Variants in AKT3 observed in about 807,000 individuals in gnomAD.
AKT3 encodes the protein AKT serine/threonine kinase 3.
A neutral mutation model predicts 65.3 loss-of-function variants in AKT3; 15 were observed. That is an observed-to-expected ratio of 0.23 (90% CI 0.15 to 0.35). The LOEUF (loss-of-function observed/expected upper bound fraction) is 0.35, where lower values mean the gene tolerates loss of function less well. AKT3 is among the 10% of genes least tolerant of loss of function. AKT3 has a pLI of 1.00. For missense variants in AKT3, 243 were observed against 576.5 expected, an observed-to-expected ratio of 0.42 and a Z score of 5.92; for synonymous variants, 206 against 183.8, an observed-to-expected ratio of 1.12 and a Z score of -0.98.
intron 2 of AKT3, among the ~76,000 whole-genome samples, chr1:243,727,484 T>C (rs920626377): frequency 6.6e-6 from 1 of 152,114 alleles, no homozygotes; most frequent in Middle Eastern, 3.2e-3. Flanking sequence ...TCTTGCTATG[T>C]TGCCCAGGAA....
At chr1:243,831,075 A>C (rs1694479316) in intron 2 of AKT3, among the ~76,000 whole-genome samples, 1 of 152,190 alleles carries the variant, frequency 6.6e-6, no homozygotes, top group Admixed American at 6.5e-5. Flanking sequence ...CAGCTGTCCC[A>C]GTTCTAGTTC....
intron 7 of AKT3, 75 bp downstream of exon 7, chr1:243,615,021 A>G: frequency 9.1e-7 from 1 of 1,100,296 alleles, no homozygotes; most frequent in Non-Finnish European, 1.3e-6. Flanking sequence ...AGTATTTTTC[A>G]CAATTTAATT....
At chr1:243,507,630 T>C (rs2148350815) in intron 13 of AKT3, among the ~76,000 whole-genome samples, 1 of 152,304 alleles carries the variant, frequency 6.6e-6, no homozygotes, top group Admixed American at 6.5e-5. Context: ...GCATAGGGAA[T>C]AGTGATGATA....
intron 5 of AKT3, among the ~76,000 whole-genome samples, chr1:243,642,340 C>G (rs557193793): frequency 5.9e-5 from 9 of 152,158 alleles, no homozygotes; most frequent in East Asian, 1.9e-4. Context: ...GACGGAGTCT[C>G]GCTCTGTCGC....
intron 12 of AKT3, among the ~76,000 whole-genome samples, chr1:243,515,963 CAA>C (rs1270293316): frequency 6.9e-6 from 1 of 145,018 alleles, no homozygotes; most frequent in Non-Finnish European, 1.5e-5. Context: ...GGCGACGGAG[CAA>C]GACTCCATCT....
chr1:243,709,812 T>G (rs1326976126), intron 2 of AKT3, among the ~76,000 whole-genome samples: 2 of 152,088 alleles, frequency 1.3e-5, no homozygotes, highest in Non-Finnish European at 2.9e-5. Context: ...GCGTTCTTCC[T>G]TAGAAGTATA....
At chr1:243,739,321 A>G (rs560386561) in intron 2 of AKT3, among the ~76,000 whole-genome samples, 27 of 152,300 alleles carry the variant, frequency 1.8e-4, no homozygotes, top group African/African-American at 6.0e-4. Context: ...CTTGTTTTTT[A>G]TATCTTGAAC....
intron 2 of AKT3, among the ~76,000 whole-genome samples, chr1:243,757,472 G>A (rs921429751): frequency 3.3e-5 from 5 of 152,034 alleles, no homozygotes; most frequent in African/African-American, 1.2e-4. Context: ...ACAAAAATTA[G>A]CTGGGCGTGG....
At chr1:243,667,331 G>A (rs528284947) in intron 3 of AKT3, among the ~76,000 whole-genome samples, 7 of 152,204 alleles carry the variant, frequency 4.6e-5, no homozygotes, top group South Asian at 2.1e-4. Context: ...GAACATGTCC[G>A]AACGTGAACT....
In AKT3 at chr1:243,613,747, TA is replaced by T. The variant is rs745855289; in HGVS notation, c.628-9del. 3.4e-5 allele frequency: 53 copies of T among 1,561,126 alleles called. No homozygotes were observed. Among genetic ancestry groups the T allele is most frequent in the Admixed American group, 1.3e-4 (7 of 54,294 alleles). On this transcript the variant is annotated splice_polypyrimidine_tract_variant and intron_variant, in intron 7 of 13. Transcript: ENST00000673466. ...GAAGGAATATTTCAAGGACTTGAAA[TA>T]AAAAAAAGAAAAAATGTTACATTAT...
At chr1:243,841,983 A>G (rs970152908) in intron 2 of AKT3, among the ~76,000 whole-genome samples, 1 of 152,192 alleles carries the variant, frequency 6.6e-6, no homozygotes, top group Admixed American at 6.5e-5. Context: ...AACAGCAGAT[A>G]AAGTGGTTGC....
chr1:243,498,085 C>T (rs1354808415), downstream of AKT3, among the ~76,000 whole-genome samples: 2 of 152,204 alleles, frequency 1.3e-5, no homozygotes, highest in African/African-American at 4.8e-5. Flanking sequence ...AGAGCGAGGC[C>T]ACCAGGCCAC....
At chr1:243,820,513 G>A (rs946735022) in intron 2 of AKT3, among the ~76,000 whole-genome samples, 2 of 152,160 alleles carry the variant, frequency 1.3e-5, no homozygotes, top group Non-Finnish European at 2.9e-5. Context: ...CAGAGCTGAA[G>A]GAGCATGTTC....
chr1:243,743,151 AG>A (rs1688265315), intron 2 of AKT3, among the ~76,000 whole-genome samples: 1 of 152,254 alleles, frequency 6.6e-6, no homozygotes. Flanking sequence ...TCTCAAAAAC[AG>A]CTCTAAAATA....
intron 12 of AKT3, among the ~76,000 whole-genome samples, chr1:243,531,060 G>A (rs1574549170): frequency 6.6e-6 from 1 of 152,066 alleles, no homozygotes; most frequent in East Asian, 1.9e-4. Context: ...ACTCATTGAT[G>A]TTCAACCATT....
chr1:243,705,902 A>G (rs1352178413), intron 2 of AKT3, among the ~76,000 whole-genome samples: 1 of 152,162 alleles, frequency 6.6e-6, no homozygotes, highest in Admixed American at 6.5e-5. Flanking sequence ...AGTTCCACAC[A>G]CCGGATTTAA....
At chr1:243,689,425 G>A (rs1438182563) in intron 3 of AKT3, among the ~76,000 whole-genome samples, 1 of 150,620 alleles carries the variant, frequency 6.6e-6, no homozygotes, top group East Asian at 1.9e-4. Flanking sequence ...AGTATTAATA[G>A]GAATCAACTG....
chr1:243,512,461 A>T (rs767166631), intron 12 of AKT3, 35 bp from the exon 13 acceptor site: 2 of 1,299,868 alleles, frequency 1.5e-6, no homozygotes, highest in South Asian at 2.6e-5. Flanking sequence ...TTATTAACTG[A>T]TTTCAATTCA....
chr1:243,678,548 A>G (rs1387563578), intron 3 of AKT3, among the ~76,000 whole-genome samples: 1 of 152,222 alleles, frequency 6.6e-6, no homozygotes, highest in Non-Finnish European at 1.5e-5. Flanking sequence ...TTAGCATATT[A>G]TCAGTTGATT....
Sources: allele counts gnomAD v4.1 joint callset (sites outside exome capture counted in the v4.1 genomes callset), GRCh38; gene constraint gnomAD v4.1.1; transcripts MANE v1.5; gene names NCBI Gene and HGNC (gene_info 2026-07-23, HGNC 2026-07-21).